The following TMTC3 variants were observed in gnomAD, a reference collection of about 807,000 sequenced individuals.
The protein encoded by TMTC3 is transmembrane O-mannosyltransferase targeting cadherins 3, also known as protein O-mannosyl-transferase TMTC3.
Under a neutral mutation model 92.2 loss-of-function variants are expected in TMTC3, and 52 were observed. The ratio of observed to expected loss-of-function variants is 0.56; its 90% CI spans 0.45 to 0.71. The LOEUF (loss-of-function observed/expected upper bound fraction) is 0.71, where lower values mean the gene tolerates loss of function less well. Ranked by LOEUF, TMTC3 falls within the 30% of genes least tolerant of loss-of-function variation. The pLI is 0.00. For synonymous variants in TMTC3, 339 were observed against 363.3 expected (o/e 0.93, Z 0.76); for missense variants, 896 against 1,057.1 (o/e 0.85, Z 2.11).
Position 88,154,339 on chromosome 12 carries a change from G to A in TMTC3, c.460G>A (p.Ala154Thr). ...AELLSSIFFLAAFLSYTRSKG... is the reference protein window; with the variant it reads ...AELLSSIFFLTAFLSYTRSKG... ...ACTTTTGTCATCTATCTTTTTTCTAGCAGCTTTTTTGTCATATACCAGATC... is the reference window on the plus strand; with the variant it reads ...ACTTTTGTCATCTATCTTTTTTCTAACAGCTTTTTTGTCATATACCAGATC... Residue 154 changes from alanine to threonine, a missense_variant, in exon 4 of 14, where the codon GCA becomes ACA. Coordinates refer to ENST00000266712, the MANE Select transcript of TMTC3 (RefSeq NM_181783.4). 1 of 1,608,086 alleles carries A rather than the reference G, an allele frequency of 6.2e-7. No homozygotes were observed. Among genetic ancestry groups the A allele is most frequent in the Non-Finnish European group, 8.5e-7 (1 of 1,178,210 alleles).
Position 88,162,883 on chromosome 12 carries a change from A to T in TMTC3, c.797+2032A>T, listed in dbSNP as rs2041095743. Among the ~76,000 whole-genome samples the T allele has an allele frequency of 2.6e-5, 4 of 150,992 alleles. No individual in the cohort carries two copies. The South Asian group carries it at 8.4e-4, about 32-fold the overall frequency. On this transcript the variant is annotated intron_variant, in intron 6 of 13. Coordinates refer to ENST00000266712, the MANE Select transcript of TMTC3 (RefSeq NM_181783.4). ...GGAATGCATTTAAGTTACTTGGAAA[A>T]TGTTTTATCTTTCAGTCTTGCTTTT...
Position 88,160,155 on chromosome 12 carries a change from G to T in TMTC3, c.550G>T (p.Ala184Ser). Residue 184 changes from alanine to serine, a missense_variant, in exon 5 of 14, where the codon GCA (alanine) becomes TCA (serine). Transcript: ENST00000266712. ...CTTGACAGTGTTTTTAGTGGCTGTT[G>T]CAACATTATGTAAAGAACAAGGAAT... is the stretch of plus-strand genomic sequence containing the variant. ...IALTVFLVAV[A>S]TLCKEQGITV... is the part of the protein sequence containing the mutation. 1 of 1,593,650 alleles carries T rather than the reference G, an allele frequency of 6.3e-7. No homozygotes were observed. The highest frequency in any genetic ancestry group is 8.5e-7 in the Non-Finnish European group (1 of 1,172,566).
At position 88,166,580 on chromosome 12, in the gene TMTC3, A is replaced by G. The variant is rs765771508; in HGVS notation, c.1048A>G (p.Met350Val). The G allele has an allele frequency of 2.5e-6, 4 of 1,610,286 alleles. No individual in the cohort carries two copies. The South Asian group carries it at 4.4e-5, about 18-fold the overall frequency. The change falls in exon 7 of 14, where the codon ATG (methionine) becomes GTG (valine). Residue 350 changes from methionine (M) to valine (V), a missense_variant and splice_region_variant. Met to Val is a conservative substitution (Grantham distance 21, BLOSUM62 1). Transcript: ENST00000266712. ...TGGTGATTCCTCCAAGACTGTTTTA[A>G]TGGTAAGAAACTTTTCTTAACTTCC... Reference protein sequence around the residue: ...YSGDSSKTVLMALCLMALPFI... With the variant: ...YSGDSSKTVLVALCLMALPFI...
chr12:88,185,733 C>CTTTTTTTTTTTTTT (rs2041370324), intron 10 of TMTC3, among the ~76,000 whole-genome samples: 1 of 148,966 alleles, frequency 6.7e-6, no homozygotes, highest in Non-Finnish European at 1.5e-5. Context: ...TCTTCATTTG[C>CTTTTTTTTTTTTTT]TGAGAATTTT....
At position 88,194,938 on chromosome 12, in the gene TMTC3, C is replaced by T; in HGVS notation, c.2034C>T (p.Ala678=). ...GGTATTTCAATTTGGGAATGCTTGC[C>T]ATGGATGACAAAAAGGACAATGAAG... ...ANGYFNLGML[A]MDDKKDNEAE... Residue 678 remains alanine, a synonymous_variant, in exon 14 of 14, where the codon GCC becomes GCT. Transcript: ENST00000266712. 1 of 1,613,584 alleles carries T rather than the reference C, an allele frequency of 6.2e-7. No individual in the cohort carries two copies. The highest frequency in any genetic ancestry group is 8.5e-7 in the Non-Finnish European group (1 of 1,179,848).
chr12:88,149,784 T>C (rs2040919556), intron 2 of TMTC3, among the ~76,000 whole-genome samples: 1 of 152,210 alleles, frequency 6.6e-6, no homozygotes, highest in Non-Finnish European at 1.5e-5. Flanking sequence ...GTAAGAAGAC[T>C]TTATTCGCCT....
At chr12:88,190,903 A>G (rs2041435171) in intron 12 of TMTC3, among the ~76,000 whole-genome samples, 1 of 152,138 alleles carries the variant, frequency 6.6e-6, no homozygotes, top group Non-Finnish European at 1.5e-5. Context: ...CCCATCACCA[A>G]AATTGTTCTT....
In TMTC3 at chr12:88,195,333, A is replaced by T. The variant is rs759734984; in HGVS notation, c.2429A>T (p.His810Leu). 1.2e-6 allele frequency: 2 copies of T among 1,613,902 alleles called. No individual in the cohort carries two copies. The highest frequency in any genetic ancestry group is 1.7e-6 in the Non-Finnish European group (2 of 1,179,852). Residue 810 changes from histidine to leucine, a missense_variant, in exon 14 of 14, where the codon CAT (histidine) becomes CTT (leucine). Transcript: ENST00000266712. ...CCACATGAAGAATATATTCAGCGCC[A>T]TTTGAATATAGTCAGGGATAAGATT... ...LAPHEEYIQR[H>L]LNIVRDKISS...
chr12:88,168,928 G>T (rs554083183), intron 7 of TMTC3, among the ~76,000 whole-genome samples: 1 of 152,288 alleles, frequency 6.6e-6, no homozygotes, highest in African/African-American at 2.4e-5. Flanking sequence ...AGGAGATAGG[G>T]AGCACAGGTT....
At chr12:88,159,578 G>C (rs1362867761) in intron 4 of TMTC3, among the ~76,000 whole-genome samples, 1 of 151,298 alleles carries the variant, frequency 6.6e-6, no homozygotes, top group Non-Finnish European at 1.5e-5. Flanking sequence ...TGGATTGCCT[G>C]AACTTCAGAA....
intron 4 of TMTC3, among the ~76,000 whole-genome samples, chr12:88,154,985 G>C (rs918273766): frequency 6.6e-6 from 1 of 152,268 alleles, no homozygotes; most frequent in Non-Finnish European, 1.5e-5. Flanking sequence ...TGGGGAAGGG[G>C]CAGATTTTCT....
chr12:88,158,581 T>C (rs1023311284), intron 4 of TMTC3, among the ~76,000 whole-genome samples: 2 of 152,092 alleles, frequency 1.3e-5, no homozygotes, highest in African/African-American at 4.8e-5. Flanking sequence ...TTGTTTTCGG[T>C]TATTTTTTCC....
At chr12:88,159,052 CAAAAAAAAAAAAAGGA>C (rs910593202) in intron 4 of TMTC3, among the ~76,000 whole-genome samples, 5 of 57,680 alleles carry the variant, frequency 8.7e-5, no homozygotes, top group African/African-American at 2.0e-4. Context: ...AACTCTGTCT[CAAAAAAAAAAAAAGGA>C]AAAAAAAAAA....
At chr12:88,192,996 AC>A (rs1352029729) in intron 13 of TMTC3, among the ~76,000 whole-genome samples, 166 bp downstream of exon 13, 1 of 152,160 alleles carries the variant, frequency 6.6e-6, no homozygotes, top group Non-Finnish European at 1.5e-5. Flanking sequence ...CTTGAAGTAA[AC>A]TATTTTCAAG....
chr12:88,190,585 A>AC lies in TMTC3; in HGVS notation c.1669_1670insC (p.Ser557ThrfsTer12). 6.2e-7 allele frequency: 1 copy of AC among 1,613,926 alleles called. No individual in the cohort carries two copies. The highest frequency in any genetic ancestry group is 8.5e-7 in the Non-Finnish European group (1 of 1,179,856). On this transcript the variant is annotated frameshift_variant, in exon 12 of 14. Coordinates refer to ENST00000266712, the MANE Select transcript of TMTC3 (RefSeq NM_181783.4). LOFTEE classifies it high-confidence loss of function. ...AGATCAGCTGTACCGTCAAGCAATAAGCATGAGGCCCGACTTCAAGCAGGC... is the reference window on the plus strand; with the variant it reads ...AGATCAGCTGTACCGTCAAGCAATAACGCATGAGGCCCGACTTCAAGCAGGC...
chr12:88,143,133 C>G (rs76362487), intron 1 of TMTC3, among the ~76,000 whole-genome samples: 122 of 151,850 alleles, frequency 8.0e-4, no homozygotes, highest in Admixed American at 1.8e-3. Context: ...AATGACATTT[C>G]CAACTATCTG....
chr12:88,154,221 C>A, intron 3 of TMTC3, 67 bp from the exon 4 acceptor site: 1 of 1,103,986 alleles, frequency 9.1e-7, no homozygotes, highest in Non-Finnish European at 1.3e-6. Flanking sequence ...GTATTTTTAC[C>A]ATTATATATA....
intron 2 of TMTC3, 142 bp downstream of exon 2, chr12:88,148,646 A>G: frequency 1.6e-6 from 1 of 621,914 alleles, no homozygotes; most frequent in Non-Finnish European, 2.6e-6. Context: ...GAAACGTAAC[A>G]TGTTTGTAAT....
At position 88,195,770 on chromosome 12, in the gene TMTC3, A is replaced by C; in HGVS notation, c.*121A>C. 3 of 718,392 alleles carry C rather than the reference A, an allele frequency of 4.2e-6. No individual in the cohort carries two copies. Among genetic ancestry groups the C allele is most frequent in the Non-Finnish European group, 6.6e-6 (3 of 451,782 alleles). 44.5% of individuals were successfully genotyped at this position (718,392 alleles called of 1,614,324 possible). ...TAATGGTCAATCATGAGCTGCCTTG[A>C]AGTAGGATCAAAATAAGATTTTCAT... On this transcript the variant is annotated 3_prime_UTR_variant, in exon 14 of 14. Coordinates refer to ENST00000266712, the MANE Select transcript of TMTC3 (RefSeq NM_181783.4).
Sources: allele counts gnomAD v4.1 joint callset (sites outside exome capture counted in the v4.1 genomes callset), GRCh38; gene constraint gnomAD v4.1.1; transcripts MANE v1.5; gene names NCBI Gene and HGNC (gene_info 2026-07-23, HGNC 2026-07-21).